The following JARID2 variants were observed in gnomAD, a reference collection of about 807,000 sequenced individuals.
JARID2 encodes protein Jumonji.
A neutral mutation model predicts 125.6 loss-of-function variants in JARID2; 21 were observed. The observed-to-expected ratio is 0.17, with a 90% CI of 0.12 to 0.24. JARID2 has a LOEUF of 0.24. JARID2 is among the 10% of genes least tolerant of loss of function. The pLI, the probability that JARID2 is intolerant of heterozygous loss-of-function variation, is 1.00. For missense variants in JARID2, 1,303 were observed against 1,639.6 expected (o/e 0.79, Z 3.55); for synonymous variants, 736 against 661.6 (o/e 1.11, Z -1.73).
intron 3 of JARID2, among the ~76,000 whole-genome samples, chr6:15,415,402 C>T (rs368660662): frequency 6.6e-6 from 1 of 151,298 alleles, no homozygotes; most frequent in Non-Finnish European, 1.5e-5. Context: ...CGGGCAGAGG[C>T]GCCCCTCACC....
At chr6:15,277,219 C>A (rs998772997) in intron 1 of JARID2, among the ~76,000 whole-genome samples, 1 of 152,098 alleles carries the variant, frequency 6.6e-6, no homozygotes, top group Non-Finnish European at 1.5e-5. Context: ...TGAAGTAGCA[C>A]GCAGTGTGGG....
At chr6:15,300,708 TGTGTGTGTGTGTGTGAGAGAGA>T (rs1293380716) in intron 1 of JARID2, among the ~76,000 whole-genome samples, 11 of 139,968 alleles carry the variant, frequency 7.9e-5, no homozygotes, top group African/African-American at 2.8e-4. Flanking sequence ...TGTGTGTGTG[TGTGTGTGTGTGTGTGAGAGAGA>T]GAGAGAGAGA....
intron 3 of JARID2, among the ~76,000 whole-genome samples, chr6:15,425,187 CA>C (rs1197388154): frequency 6.6e-6 from 1 of 152,112 alleles, no homozygotes; most frequent in Admixed American, 6.5e-5. Flanking sequence ...GTTGTACCTT[CA>C]AAATTTTTGG....
chr6:15,519,953 G>T, intron 17 of JARID2, 116 bp from the exon 18 acceptor site: 1 of 665,924 alleles, frequency 1.5e-6, no homozygotes, highest in Non-Finnish European at 2.4e-6. Flanking sequence ...CCTGTTGGTT[G>T]GTGTGGTGAA....
intron 1 of JARID2, among the ~76,000 whole-genome samples, chr6:15,288,748 C>T (rs75197492): frequency 8.9e-4 from 136 of 152,276 alleles, no homozygotes; most frequent in Non-Finnish European, 1.8e-3. Context: ...TCCTAAGACC[C>T]CTTTGAGCTT....
intron 1 of JARID2, among the ~76,000 whole-genome samples, chr6:15,289,681 T>C (rs1183653160): frequency 6.6e-6 from 1 of 152,214 alleles, no homozygotes; most frequent in Admixed American, 6.5e-5. Context: ...GGTAAAACCC[T>C]GTCTCTACTA....
chr6:15,468,630 C>G lies in JARID2; in HGVS notation c.582C>G (p.Asp194Glu). The change falls in exon 5 of 18, where the codon GAC becomes GAG. Residue 194 changes from aspartate to glutamate, a missense_variant. Coordinates refer to ENST00000341776, the MANE Select transcript of JARID2 (RefSeq NM_004973.4). ...AGGAGGAAGATGATGAGACAGAAGA[C>G]GTCAAAACAGCCACCAACAATGCTT... ...EVEEEDDETE[D>E]VKTATNNASS... 6.2e-7 allele frequency: 1 copy of G among 1,614,014 alleles called. No homozygotes were observed. The highest frequency in any genetic ancestry group is 1.1e-5 in the South Asian group (1 of 91,072).
intron 5 of JARID2, 87 bp downstream of exon 5, chr6:15,468,805 T>A: frequency 7.6e-7 from 1 of 1,317,352 alleles, no homozygotes; most frequent in Non-Finnish European, 1.0e-6. Context: ...AGAGATGAGA[T>A]GAAGGCAAAG....
intron 1 of JARID2, among the ~76,000 whole-genome samples, chr6:15,294,686 T>C (rs1006620787): frequency 1.3e-5 from 2 of 152,040 alleles, no homozygotes; most frequent in Non-Finnish European, 2.9e-5. Context: ...GCTGGAGAGG[T>C]AGAACTTGCT....
intron 2 of JARID2, among the ~76,000 whole-genome samples, chr6:15,379,640 AC>A (rs1764503355): frequency 6.6e-6 from 1 of 152,072 alleles, no homozygotes; most frequent in Non-Finnish European, 1.5e-5. Flanking sequence ...CCTTAAACTT[AC>A]CCCGGGCAGT....
At chr6:15,383,324 T>C (rs919461644) in intron 2 of JARID2, among the ~76,000 whole-genome samples, 4 of 150,750 alleles carry the variant, frequency 2.7e-5, no homozygotes, top group African/African-American at 9.8e-5. Context: ...TTTTTTAAGC[T>C]GAAGCTCTTT....
rs117609138 is a variant in JARID2 at position 15,326,555 on chromosome 6, G to A, written c.46-47562G>A. ...CTGGCTCTGTAACCCAGGCTGGAGTGCAGTGGCTCGATCTTCGCTCACTGC... is the reference window on the plus strand; with the variant it reads ...CTGGCTCTGTAACCCAGGCTGGAGTACAGTGGCTCGATCTTCGCTCACTGC... On this transcript the variant is annotated intron_variant, in intron 1 of 17. Coordinates refer to ENST00000341776, the MANE Select transcript of JARID2 (RefSeq NM_004973.4). Among the ~76,000 whole-genome samples the A allele has an allele frequency of 1.1e-4, 16 of 152,294 alleles. No homozygotes were observed. In the East Asian group the frequency reaches 3.1e-3, roughly 29 times the overall value.
At chr6:15,338,301 C>T (rs1762949147) in intron 1 of JARID2, among the ~76,000 whole-genome samples, 3 of 152,226 alleles carry the variant, frequency 2.0e-5, no homozygotes, top group African/African-American at 7.2e-5. Context: ...TCACCACTCC[C>T]AGCTTATACT....
intron 2 of JARID2, among the ~76,000 whole-genome samples, chr6:15,383,299 T>C (rs949571254): frequency 2.7e-5 from 3 of 112,156 alleles, no homozygotes; most frequent in African/African-American, 1.1e-4. Flanking sequence ...CATGCCCAGG[T>C]TGGGATTTTT....
At chr6:15,293,797 T>G (rs1264354956) in intron 1 of JARID2, among the ~76,000 whole-genome samples, 1 of 152,198 alleles carries the variant, frequency 6.6e-6, no homozygotes, top group East Asian at 1.9e-4. Flanking sequence ...TTGTTCTGCT[T>G]AAGTGGGTAT....
At chr6:15,440,724 G>A (rs1168717672) in intron 3 of JARID2, among the ~76,000 whole-genome samples, 8 of 152,172 alleles carry the variant, frequency 5.3e-5, no homozygotes, top group Non-Finnish European at 1.0e-4. Flanking sequence ...TAATAGCTCC[G>A]GTTTTTAAGT....
intron 3 of JARID2, among the ~76,000 whole-genome samples, chr6:15,431,762 A>G (rs554301559): frequency 6.6e-5 from 10 of 152,156 alleles, no homozygotes; most frequent in Non-Finnish European, 1.5e-4. Context: ...ATTTTTTTCC[A>G]GAGAGGTTCT....
chr6:15,502,987 A>G (rs1770814532), intron 8 of JARID2, among the ~76,000 whole-genome samples: 1 of 152,232 alleles, frequency 6.6e-6, no homozygotes, highest in South Asian at 2.1e-4. Context: ...GAAACTGTCA[A>G]CGTTTTTACT....
At chr6:15,269,277 G>A (rs899464467) in intron 1 of JARID2, among the ~76,000 whole-genome samples, 1 of 148,518 alleles carries the variant, frequency 6.7e-6, no homozygotes, top group Non-Finnish European at 1.5e-5. Flanking sequence ...CATTCTTGTT[G>A]GGGGGGGCGG....
Sources: gnomAD v4.1 joint callset for allele counts (sites outside exome capture counted in the v4.1 genomes callset) on GRCh38, gnomAD v4.1.1 for gene constraint, MANE v1.5 for transcripts, NCBI Gene and HGNC (gene_info 2026-07-23, HGNC 2026-07-21) for gene names.